The following CDCP2 variants were observed in gnomAD, a reference collection of about 807,000 sequenced individuals.
CDCP2 encodes CUB domain containing protein 2, also known as CUB domain-containing protein 2.
In CDCP2, 31 loss-of-function variants were observed where a neutral mutation model predicts 31.0. The observed-to-expected ratio is 1.00, with a 90% CI of 0.75 to 1.35. The LOEUF is 1.35. CDCP2 is among the 40% of genes most tolerant of loss of function. CDCP2 has a pLI of 0.00. For missense variants in CDCP2, 443 were observed against 482.6 expected, an observed-to-expected ratio of 0.92 and a Z score of 0.77; for synonymous variants, 206 against 207.9, an observed-to-expected ratio of 0.99 and a Z score of 0.08.
chr1:54,143,055 G>C (rs1181690641), intron 2 of CDCP2: 1 of 152,150 alleles, frequency 6.6e-6, no homozygotes, highest in African/African-American at 2.4e-5. Flanking sequence ...GAATTTACAG[G>C]CTGGGCATGG....
chr1:54,133,183 C>A (rs2100416399), exon 6 of CDCP2: 2 of 399,118 alleles, frequency 5.0e-6, no homozygotes, highest in South Asian at 1.3e-4. Flanking sequence ...TGGACAGAAG[C>A]CTCCTTGCGC....
At chr1:54,152,589 A>T (rs1659602133) in intron 1 of CDCP2, among the ~76,000 whole-genome samples, 1 of 152,232 alleles carries the variant, frequency 6.6e-6, no homozygotes, top group Non-Finnish European at 1.5e-5. Flanking sequence ...CTTCATCTGG[A>T]AAATGGGGGA....
At chr1:54,148,966 A>T (rs961408686) in intron 1 of CDCP2, among the ~76,000 whole-genome samples, 6 of 108,050 alleles carry the variant, frequency 5.6e-5, no homozygotes, top group African/African-American at 1.9e-4. Context: ...TGAATTGTTT[A>T]AAAAAAAAAT....
intron 1 of CDCP2, among the ~76,000 whole-genome samples, chr1:54,148,972 A>AT (rs940024678): frequency 0.011 from 1,616 of 143,496 alleles, 28 homozygotes; most frequent in African/African-American, 0.012. Flanking sequence ...GTTTAAAAAA[A>AT]AAATATATAT....
intron 1 of CDCP2, among the ~76,000 whole-genome samples, chr1:54,151,058 A>G (rs1659575926): frequency 6.6e-6 from 1 of 152,212 alleles, no homozygotes; most frequent in Non-Finnish European, 1.5e-5. Flanking sequence ...TGGGGCCAGC[A>G]GTATCAAGGA....
At chr1:54,132,746 T>C (rs143560405), downstream of CDCP2, 2,434 of 391,738 alleles carry the variant, frequency 6.2e-3, 8 homozygotes, top group Non-Finnish European at 8.9e-3. Flanking sequence ...ATACACAGCA[T>C]GCTACAGATT....
chr1:54,152,483 A>G (rs866081635), intron 1 of CDCP2, among the ~76,000 whole-genome samples: 46 of 151,106 alleles, frequency 3.0e-4, no homozygotes, highest in African/African-American at 1.1e-3. Flanking sequence ...AAGACTCTTT[A>G]GCAATAAACC....
At chr1:54,144,357 A>T in intron 2 of CDCP2, 109 bp downstream of exon 2, 3 of 1,027,710 alleles carry the variant, frequency 2.9e-6, no homozygotes, top group Non-Finnish European at 4.2e-6. Context: ...CCACTGCCAA[A>T]TCCCCCCTTG....
chr1:54,151,864 G>T (rs1457276433), intron 1 of CDCP2, among the ~76,000 whole-genome samples: 1 of 152,188 alleles, frequency 6.6e-6, no homozygotes, highest in African/African-American at 2.4e-5. Flanking sequence ...GTGGAAGGCC[G>T]ACGGAGGGAG....
chr1:54,139,251 G>C (rs1659310709), intron 4 of CDCP2: 2 of 452,928 alleles, frequency 4.4e-6, no homozygotes, highest in East Asian at 4.4e-5. Context: ...ATTTGGAACA[G>C]TGTTGAGCCC....
intron 4 of CDCP2, 85 bp from the exon 5 acceptor site, chr1:54,136,893 G>A (rs111509486): frequency 7.5e-6 from 3 of 398,656 alleles, no homozygotes; most frequent in Admixed American, 4.4e-5. Context: ...CTCCCACAAA[G>A]GGTGGTGGAT....
rs1659437397 is a variant in CDCP2, at chr1:54,144,832, A to G, written c.80-19T>C. On this transcript the variant is annotated intron_variant, in intron 1 of 5. Transcript: ENST00000530059. Reference sequence around the variant, plus strand: ...TTGACACCTGGGGCAAGAGAGAAGTATGGCTGAGACTCCGTGCTGGGGTCT... The same window carrying G: ...TTGACACCTGGGGCAAGAGAGAAGTGTGGCTGAGACTCCGTGCTGGGGTCT... 2 of 1,587,218 alleles carry G rather than the reference A, an allele frequency of 1.3e-6. No individual in the cohort carries two copies. Among genetic ancestry groups the G allele is most frequent in the Non-Finnish European group, 1.7e-6 (2 of 1,163,268 alleles).
chr1:54,148,148 T>C (rs914144838), intron 1 of CDCP2, among the ~76,000 whole-genome samples: 3 of 151,874 alleles, frequency 2.0e-5, no homozygotes, highest in African/African-American at 4.9e-5. Context: ...ATGATTTGGT[T>C]ATACAGGCAT....
chr1:54,135,139 T>C (rs1156523654), intron 5 of CDCP2, among the ~76,000 whole-genome samples: 1 of 126,026 alleles, frequency 7.9e-6, no homozygotes, highest in Admixed American at 1.1e-4. Flanking sequence ...AGTGAAAGGC[T>C]AAAGTAAATC....
chr1:54,136,723 C>G (rs1374230024), exon 5 of CDCP2: 2 of 399,076 alleles, frequency 5.0e-6, no homozygotes, highest in Admixed American at 4.4e-5. Context: ...CCAGGTAGAC[C>G]TTGGTCCGCT....
At chr1:54,150,324 G>A (rs1402393892) in intron 1 of CDCP2, among the ~76,000 whole-genome samples, 1 of 152,184 alleles carries the variant, frequency 6.6e-6, no homozygotes, top group Non-Finnish European at 1.5e-5. Flanking sequence ...GCCAGGCGTG[G>A]TGGTTCAGGC....
At chr1:54,146,670 G>A (rs1659476419) in intron 1 of CDCP2, among the ~76,000 whole-genome samples, 1 of 151,802 alleles carries the variant, frequency 6.6e-6, no homozygotes, top group Non-Finnish European at 1.5e-5. Context: ...GTTCAACTAA[G>A]ATGAACAAGG....
intron 1 of CDCP2, among the ~76,000 whole-genome samples, chr1:54,148,974 A>ATAT (rs149408012): frequency 0.037 from 5,426 of 146,254 alleles, 165 homozygotes; most frequent in Admixed American, 0.071. Flanking sequence ...TTAAAAAAAA[A>ATAT]ATATATATAT....
intron 3 of CDCP2, 83 bp from the exon 4 acceptor site, chr1:54,140,189 G>A: frequency 7.3e-7 from 1 of 1,362,656 alleles, no homozygotes; most frequent in African/African-American, 1.4e-5. Context: ...TTAGGCAGCA[G>A]GTGCCACAGT....
Sources: gnomAD v4.1 joint callset for allele counts (sites outside exome capture counted in the v4.1 genomes callset) on GRCh38, gnomAD v4.1.1 for gene constraint, MANE v1.5 for transcripts, NCBI Gene and HGNC (gene_info 2026-07-23, HGNC 2026-07-21) for gene names.